Variants in DOP1B observed in about 807,000 individuals in gnomAD.
DOP1B encodes protein DOP1B.
In DOP1B, 174 loss-of-function variants were observed where a neutral mutation model predicts 233.5. The ratio of observed to expected loss-of-function variants is 0.75; its 90% CI spans 0.66 to 0.85. The LOEUF (loss-of-function observed/expected upper bound fraction) is 0.85. Among genes scored for constraint, DOP1B ranks in the 40% least tolerant of loss-of-function variants. The probability of loss-of-function intolerance (pLI) is 0.00; values close to 1 mark genes in which losing one functional copy is unlikely to be tolerated. For synonymous variants in DOP1B, 1,190 were observed against 1,185.6 expected, an observed-to-expected ratio of 1.00 and a Z score of -0.08; for missense variants, 2,652 against 2,846.6, an observed-to-expected ratio of 0.93 and a Z score of 1.56.
chr21:36,227,320 GAT>G (rs1423350652), intron 12 of DOP1B, among the ~76,000 whole-genome samples: 14 of 152,118 alleles, frequency 9.2e-5, no homozygotes, highest in Admixed American at 2.6e-4. Context: ...GGCCAAGGTG[GAT>G]GGATCACAAA....
chr21:36,248,487 A>G lies in DOP1B; in HGVS notation c.4917A>G (p.Arg1639=). 2 of 1,614,182 alleles carry G rather than the reference A, an allele frequency of 1.2e-6. No individual in the cohort carries two copies. The highest frequency in any genetic ancestry group is 1.7e-6 in the Non-Finnish European group (2 of 1,180,014). Residue 1639 remains arginine (R), a synonymous_variant, in exon 21 of 37, where the codon AGA becomes AGG. Coordinates refer to ENST00000691173, the MANE Select transcript of DOP1B (RefSeq NM_001320714.2). Reference sequence around the variant, plus strand: ...TGGCCCTTCTCTGGAATGTTCTCAGAAAGGAGGAGACTCAAAAGAGACCTG... The same window carrying G: ...TGGCCCTTCTCTGGAATGTTCTCAGGAAGGAGGAGACTCAAAAGAGACCTG... The part of the protein sequence containing the change: ...NTMALLWNVL[R]KEETQKRPVD...
In DOP1B at chr21:36,227,373, C is replaced by T. The variant is rs528577298; in HGVS notation, c.1474-313C>T. ...CCATCCTGGCTAACACGGTGAAACC[C>T]CATCTCTACTAAACATACAAAAAAT... is the stretch of plus-strand genomic sequence containing the variant. On this transcript the variant is annotated intron_variant, in intron 12 of 36. Transcript: ENST00000691173. Among the ~76,000 whole-genome samples, 91 of 151,250 alleles carry T rather than the reference C, an allele frequency of 6.0e-4. No individual in the cohort carries two copies. The East Asian group carries it at 0.014, about 23-fold the overall frequency.
chr21:36,290,477 A>G (rs866568080), intron 35 of DOP1B, among the ~76,000 whole-genome samples: 8 of 152,086 alleles, frequency 5.3e-5, no homozygotes, highest in Admixed American at 2.6e-4. Context: ...CCCGGCCAAC[A>G]TGGTGAAAAA....
At chr21:36,207,490 GTTTTTTTTGTTT>G (rs1473574997) in intron 4 of DOP1B, among the ~76,000 whole-genome samples, 1 of 120,954 alleles carries the variant, frequency 8.3e-6, no homozygotes, top group African/African-American at 3.7e-5. Context: ...CAGCCAAACA[GTTTTTTTTGTTT>G]TTTTTTTTTT....
intron 26 of DOP1B, among the ~76,000 whole-genome samples, chr21:36,266,304 G>A (rs1005161629): frequency 6.6e-6 from 1 of 152,116 alleles, no homozygotes; most frequent in Non-Finnish European, 1.5e-5. Flanking sequence ...AGCCTCCCGA[G>A]TAGCTGGGAT....
At chr21:36,184,926 C>T (rs977246553) in intron 2 of DOP1B, among the ~76,000 whole-genome samples, 1 of 152,166 alleles carries the variant, frequency 6.6e-6, no homozygotes, top group Non-Finnish European at 1.5e-5. Context: ...CATCTCATTT[C>T]ATTAGAGCAT....
At chr21:36,176,610 A>G (rs1465140477) in intron 2 of DOP1B, among the ~76,000 whole-genome samples, 1 of 152,122 alleles carries the variant, frequency 6.6e-6, no homozygotes, top group African/African-American at 2.4e-5. Context: ...TCGTGGAATG[A>G]TAAGGGCCTG....
At chr21:36,231,379 G>A (rs903425597) in intron 14 of DOP1B, among the ~76,000 whole-genome samples, 2 of 152,166 alleles carry the variant, frequency 1.3e-5, no homozygotes, top group African/African-American at 4.8e-5. Context: ...AAGGTTTCAG[G>A]TTTTGGATTT....
intron 23 of DOP1B, among the ~76,000 whole-genome samples, chr21:36,259,027 G>A (rs1232320684): frequency 2.8e-5 from 4 of 141,242 alleles, no homozygotes; most frequent in African/African-American, 5.3e-5. Flanking sequence ...CCAGGCTGGC[G>A]CAATCTCGGC....
chr21:36,253,882 G>T lies in DOP1B; in HGVS notation c.5232G>T (p.Arg1744Ser), dbSNP rs1194721724. The change falls in exon 23 of 37, where the codon AGG becomes AGT. Residue 1744 changes from arginine to serine, a missense_variant. Physicochemically the swap from Arg to Ser is moderately radical, Grantham distance 110. Around this residue, in one of 3 missense-constraint regions of DOP1B, gnomAD observed 2,617 missense variants for 2,794.3 expected, o/e 0.94. Coordinates refer to ENST00000691173, the MANE Select transcript of DOP1B (RefSeq NM_001320714.2). Reference protein sequence around the residue: ...LLHLVKEVVKRPPQVKGGDEK... With the variant: ...LLHLVKEVVKSPPQVKGGDEK... ...ACCTGGTGAAGGAGGTGGTGAAGAG[G>T]CCACCCCAAGTCAAAGGGGGTGATG... is the stretch of plus-strand genomic sequence containing the variant. 5 of 1,613,964 alleles carry T rather than the reference G, an allele frequency of 3.1e-6. No homozygotes were observed. The highest frequency in any genetic ancestry group is 1.7e-4 in the Middle Eastern group (1 of 6,060).
At chr21:36,224,618 C>T (rs1212226509) in intron 11 of DOP1B, among the ~76,000 whole-genome samples, 1 of 151,798 alleles carries the variant, frequency 6.6e-6, no homozygotes, top group Non-Finnish European at 1.5e-5. Flanking sequence ...TTCAGTGTAA[C>T]ATGGCTTTGC....
chr21:36,262,568 G>A (rs1434515327), intron 24 of DOP1B, among the ~76,000 whole-genome samples: 1 of 152,112 alleles, frequency 6.6e-6, no homozygotes, highest in Non-Finnish European at 1.5e-5. Context: ...GCCACTTCAG[G>A]GAAGCAGAAT....
At position 36,240,719 on chromosome 21, in the gene DOP1B, T is replaced by C. The variant is rs182461525; in HGVS notation, c.3067+764T>C. On this transcript the variant is annotated intron_variant, in intron 18 of 36. Transcript: ENST00000691173. ...AAAGAAAAGAAAAACTAAATAAGCC[T>C]GATGAGTCAATTAAACTTCAGTGAT... Among the ~76,000 whole-genome samples, 536 of 152,258 alleles carry C rather than the reference T, an allele frequency of 3.5e-3. 8 individuals carry two copies. The highest frequency in any genetic ancestry group is 0.012 in the African/African-American group (509 of 41,538).
intron 18 of DOP1B, among the ~76,000 whole-genome samples, chr21:36,242,981 C>CTTT (rs35476479): frequency 7.9e-6 from 1 of 127,190 alleles, no homozygotes; most frequent in Non-Finnish European, 1.7e-5. Context: ...TTCTTCTTTT[C>CTTT]TTTTTTTTTT....
At position 36,211,938 on chromosome 21, in the gene DOP1B, A is replaced by G. The variant is rs750000102; in HGVS notation, c.781-36A>G. The G allele has an allele frequency of 8.7e-6, 14 of 1,613,404 alleles. No individual in the cohort carries two copies. In the African/African-American group the frequency reaches 1.2e-4, roughly 14 times the overall value. ...CAAAAAGTCAGCAATCTGCCCTATC[A>G]TTCCCTTGCAGTAAATTTCTCTGTC... On this transcript the variant is annotated intron_variant, in intron 6 of 36. Transcript: ENST00000691173.
Position 36,238,841 on chromosome 21 carries a change from G to A in DOP1B, c.2876+140G>A, listed in dbSNP as rs550563379. Reference sequence around the variant, plus strand: ...CATATGACCGGGTGTGGTGGCTCACGCCTGTAATCCCAGCCCTTTGGGAAG... The same window carrying A: ...CATATGACCGGGTGTGGTGGCTCACACCTGTAATCCCAGCCCTTTGGGAAG... On this transcript the variant is annotated intron_variant, in intron 17 of 36. Coordinates refer to ENST00000691173, the MANE Select transcript of DOP1B (RefSeq NM_001320714.2). 209 of 791,554 alleles carry A rather than the reference G, an allele frequency of 2.6e-4. 2 individuals carry two copies. The highest frequency in any genetic ancestry group is 2.1e-3 in the South Asian group (128 of 61,740). 49.0% of individuals were successfully genotyped at this position (791,554 alleles called of 1,614,324 possible).
intron 24 of DOP1B, among the ~76,000 whole-genome samples, chr21:36,262,815 C>CG (rs1407306591): frequency 2.6e-5 from 4 of 151,804 alleles, no homozygotes; most frequent in Non-Finnish European, 5.9e-5. Flanking sequence ...CGCTTAAACC[C>CG]GGGGGGCAGA....
chr21:36,158,263 A>G lies in DOP1B; in HGVS notation c.-27+1320A>G, dbSNP rs531416186. 5.9e-5 allele frequency among the ~76,000 whole-genome samples: 9 copies of G among 152,292 alleles called. No individual in the cohort carries two copies. The South Asian group carries it at 6.2e-4, about 11-fold the overall frequency. ...ACTGTCGGTTTTACTGAACTCTTCA[A>G]TCTCTCACAGGAGACATATCCAGGA... On this transcript the variant is annotated intron_variant, in intron 1 of 36. Coordinates refer to ENST00000691173, the MANE Select transcript of DOP1B (RefSeq NM_001320714.2).
At position 36,280,289 on chromosome 21, in the gene DOP1B, A is replaced by G; in HGVS notation, c.5974A>G (p.Lys1992Glu). ...FQMDTSCVHW[K>E]SIIDHLLTHE... ...TTTGCTTTCTTTAATATCCAGTTGGAAGTCCATTATTGACCATCTTTTGAC... is the reference window on the plus strand; with the variant it reads ...TTTGCTTTCTTTAATATCCAGTTGGGAGTCCATTATTGACCATCTTTTGAC... The change falls in exon 31 of 37, where the codon AAG (lysine) becomes GAG (glutamate). Residue 1992 changes from lysine to glutamate, a missense_variant. This residue lies in a region of DOP1B where 2,617 missense variants were observed against 2,794.3 expected (regional missense o/e 0.94). Transcript: ENST00000691173. 6.2e-7 allele frequency: 1 copy of G among 1,604,762 alleles called. No individual in the cohort carries two copies. The highest frequency in any genetic ancestry group is 1.3e-5 in the African/African-American group (1 of 74,804).
Sources: gnomAD v4.1 joint callset for allele counts (sites outside exome capture counted in the v4.1 genomes callset) on GRCh38, gnomAD v4.1.1 for gene constraint, gnomAD v4.1.1 regional missense constraint, MANE v1.5 for transcripts, NCBI Gene and HGNC (gene_info 2026-07-23, HGNC 2026-07-21) for gene names.